The following RYR2 variants were observed in gnomAD, a reference collection of about 807,000 sequenced individuals.
RYR2 encodes cardiac muscle ryanodine receptor-calcium release channel.
RYR2 carries 227 observed loss-of-function variants against 601.1 expected under a neutral mutation model. That is an observed-to-expected ratio of 0.38 (90% CI 0.34 to 0.42). The LOEUF (loss-of-function observed/expected upper bound fraction) is 0.42. Ranked by LOEUF, RYR2 falls within the 10% of genes least tolerant of loss-of-function variation. The probability of loss-of-function intolerance (pLI) is 1.00; values close to 1 mark genes in which losing one functional copy is unlikely to be tolerated. For synonymous variants in RYR2, 2,223 were observed against 2,175.1 expected (o/e 1.02, Z -0.61); for missense variants, 4,646 against 6,156.5 (o/e 0.75, Z 8.21).
rs536697290 is a variant in RYR2, at chr1:237,694,497, C to A, written c.9068-4468C>A. 2.0e-5 allele frequency among the ~76,000 whole-genome samples: 3 copies of A among 152,092 alleles called. No homozygotes were observed. The South Asian group carries it at 6.2e-4, about 32-fold the overall frequency. On this transcript the variant is annotated intron_variant, in intron 63 of 104. Transcript: ENST00000366574. ...ATTTAAAAATTCTGTAGTACTATGACAATATGCATGGCAAAAACAACTATT... is the reference window on the plus strand; with the variant it reads ...ATTTAAAAATTCTGTAGTACTATGAAAATATGCATGGCAAAAACAACTATT...
At chr1:237,794,873 A>G (rs925845052) in intron 95 of RYR2, among the ~76,000 whole-genome samples, 5 of 152,210 alleles carry the variant, frequency 3.3e-5, no homozygotes, top group Admixed American at 6.5e-5. Context: ...CTTTGCTGCT[A>G]TGCTCGAAGT....
chr1:237,698,930 A>G, intron 63 of RYR2, 35 bp from the exon 64 acceptor site: 3 of 1,257,726 alleles, frequency 2.4e-6, no homozygotes, highest in Non-Finnish European at 3.4e-6. Flanking sequence ...AGAAATTCTC[A>G]GGGCAATTTA....
At chr1:237,208,968 A>ATATATATATATATG (rs1682189907) in intron 1 of RYR2, among the ~76,000 whole-genome samples, 1 of 88,774 alleles carries the variant, frequency 1.1e-5, no homozygotes, top group African/African-American at 3.5e-5. Flanking sequence ...ATATATATAT[A>ATATATATATATATG]TATATATATA....
intron 1 of RYR2, among the ~76,000 whole-genome samples, chr1:237,252,496 T>A (rs1687558664): frequency 6.6e-6 from 1 of 152,220 alleles, no homozygotes; most frequent in South Asian, 2.1e-4. Flanking sequence ...CATTACATTT[T>A]GTAACTATTC....
chr1:237,368,799 G>GTTTGTTTATTTATTTA (rs372692446), intron 5 of RYR2, among the ~76,000 whole-genome samples: 1 of 129,156 alleles, frequency 7.7e-6, no homozygotes, highest in African/African-American at 2.8e-5. Flanking sequence ...TTGAATCAAC[G>GTTTGTTTATTTATTTA]TTTATTTATT....
rs1384191577 is a variant in RYR2 at position 237,833,154 on chromosome 1, G to GA, written c.*513dup. On this transcript the variant is annotated 3_prime_UTR_variant, in exon 105 of 105. Coordinates refer to ENST00000366574, the MANE Select transcript of RYR2 (RefSeq NM_001035.3). ...TGAGCTATGCAGAAGATACGTGCATGAAAAAACATCTTTATTTTCTTTATG... is the reference window on the plus strand; with the variant it reads ...TGAGCTATGCAGAAGATACGTGCATGAAAAAAACATCTTTATTTTCTTTATG... The GA allele has an allele frequency of 1.3e-5, 2 of 151,554 alleles. No homozygotes were observed. The allele number at this position is 151,554 out of a possible 1,614,324, so 9.4% of individuals were successfully genotyped here.
intron 17 of RYR2, among the ~76,000 whole-genome samples, chr1:237,478,831 C>A (rs925155761): frequency 5.3e-5 from 8 of 152,144 alleles, no homozygotes; most frequent in Non-Finnish European, 8.8e-5. Context: ...AAATTTCATG[C>A]TCTTTCCCTT....
chr1:237,403,802 C>A (rs1703610021), intron 10 of RYR2, among the ~76,000 whole-genome samples: 1 of 152,028 alleles, frequency 6.6e-6, no homozygotes, highest in Admixed American at 6.5e-5. Flanking sequence ...AAAAGAGTTT[C>A]TTTGAGTAGA....
intron 1 of RYR2, among the ~76,000 whole-genome samples, chr1:237,058,859 A>G (rs1331098088): frequency 6.6e-6 from 1 of 152,062 alleles, no homozygotes; most frequent in East Asian, 1.9e-4. Flanking sequence ...GGTGGGAGAT[A>G]GCGCCTCACA....
intron 24 of RYR2, among the ~76,000 whole-genome samples, chr1:237,525,013 G>A (rs900294635): frequency 3.9e-5 from 6 of 152,084 alleles, no homozygotes; most frequent in Non-Finnish European, 4.4e-5. Context: ...ATTTACCTAT[G>A]TGCGTTGTTA....
chr1:237,446,846 A>T (rs573672546), intron 14 of RYR2, among the ~76,000 whole-genome samples: 2 of 152,256 alleles, frequency 1.3e-5, no homozygotes, highest in African/African-American at 4.8e-5. Context: ...TATTATTTGT[A>T]TTCTTGTAGT....
chr1:237,528,985 G>A (rs2147926094), intron 24 of RYR2, among the ~76,000 whole-genome samples: 1 of 152,066 alleles, frequency 6.6e-6, no homozygotes, highest in African/African-American at 2.4e-5. Context: ...GAGCTGGGTT[G>A]GACATCCCTC....
At chr1:237,427,553 C>G (rs911180579) in intron 12 of RYR2, among the ~76,000 whole-genome samples, 4 of 151,904 alleles carry the variant, frequency 2.6e-5, no homozygotes, top group African/African-American at 9.7e-5. Flanking sequence ...GAGACCAAGG[C>G]AGGTGGATCA....
chr1:237,350,058 A>T (rs1319648029), intron 3 of RYR2, among the ~76,000 whole-genome samples: 1 of 152,146 alleles, frequency 6.6e-6, no homozygotes, highest in African/African-American at 2.4e-5. Context: ...GATAAATATA[A>T]CTAATAAATA....
chr1:237,409,986 AAAAATGAAACCAG>A (rs1370285558), intron 10 of RYR2, among the ~76,000 whole-genome samples: 6 of 152,138 alleles, frequency 3.9e-5, no homozygotes, highest in African/African-American at 1.4e-4. Flanking sequence ...TTTCTTGACA[AAAAATGAAACCAG>A]AATGTTATGT....
intron 3 of RYR2, among the ~76,000 whole-genome samples, chr1:237,341,464 G>A (rs1697776053): frequency 6.6e-6 from 1 of 152,058 alleles, no homozygotes. Context: ...ACTCCTTCCT[G>A]CATTTTTTTG....
At chr1:237,362,029 A>G (rs987980220) in intron 4 of RYR2, among the ~76,000 whole-genome samples, 2 of 152,248 alleles carry the variant, frequency 1.3e-5, no homozygotes, top group Non-Finnish European at 2.9e-5. Flanking sequence ...AGGGCCGTCT[A>G]TGTGTTAAAA....
intron 3 of RYR2, among the ~76,000 whole-genome samples, chr1:237,346,358 G>T (rs1426733532): frequency 9.5e-6 from 1 of 105,558 alleles, no homozygotes; most frequent in Non-Finnish European, 2.0e-5. Flanking sequence ...AAAGTGAGAG[G>T]GTCTACCTCA....
intron 1 of RYR2, among the ~76,000 whole-genome samples, chr1:237,158,133 A>G (rs1022891101): frequency 1.3e-5 from 2 of 152,220 alleles, no homozygotes; most frequent in African/African-American, 4.8e-5. Flanking sequence ...TACAAGAGTT[A>G]ATGTGTTTTA....
Sources: allele counts gnomAD v4.1 joint callset (sites outside exome capture counted in the v4.1 genomes callset), GRCh38; gene constraint gnomAD v4.1.1; transcripts MANE v1.5; gene names NCBI Gene and HGNC (gene_info 2026-07-23, HGNC 2026-07-21).